Variants in ADGRL2 observed in about 807,000 individuals in gnomAD.
The protein encoded by ADGRL2 is adhesion G protein-coupled receptor L2.
Under a neutral mutation model 157.4 loss-of-function variants are expected in ADGRL2, and 44 were observed. The observed-to-expected ratio is 0.28, with a 90% CI of 0.22 to 0.36. The LOEUF (loss-of-function observed/expected upper bound fraction) is 0.36. Among genes scored for constraint, ADGRL2 ranks in the 10% least tolerant of loss-of-function variants. The pLI, the probability that ADGRL2 is intolerant of heterozygous loss-of-function variation, is 1.00. For missense variants in ADGRL2, 1,510 were observed against 1,768.9 expected, an observed-to-expected ratio of 0.85 and a Z score of 2.63; for synonymous variants, 585 against 624.7, an observed-to-expected ratio of 0.94 and a Z score of 0.95.
At chr1:81,506,009 T>TGAA in intron 2 of ADGRL2, 1 of 180,122 alleles carries the variant, frequency 5.6e-6, no homozygotes, top group South Asian at 1.2e-4. Context: ...TTCCTGTTCT[T>TGAA]GAAGAGACAG....
intron 2 of ADGRL2, among the ~76,000 whole-genome samples, chr1:81,527,004 T>G (rs969120451): frequency 1.4e-4 from 22 of 152,328 alleles, no homozygotes; most frequent in African/African-American, 5.1e-4. Context: ...TCTGTTTGGG[T>G]GGTATTAAAA....
intron 2 of ADGRL2, among the ~76,000 whole-genome samples, chr1:81,496,376 AAGG>A (rs1470618571): frequency 6.6e-6 from 1 of 152,132 alleles, no homozygotes; most frequent in Non-Finnish European, 1.5e-5. Context: ...TTTAGCAAAA[AAGG>A]GGGAGAAATC....
At chr1:81,514,845 G>A (rs2079145311) in intron 2 of ADGRL2, 1 of 152,198 alleles carries the variant, frequency 6.6e-6, no homozygotes, top group African/African-American at 2.4e-5. Flanking sequence ...CATCTCTGCA[G>A]TGTTGTGTAC....
intron 1 of ADGRL2, among the ~76,000 whole-genome samples, chr1:81,327,069 A>G (rs1034649980): frequency 1.3e-5 from 2 of 152,162 alleles, no homozygotes; most frequent in Non-Finnish European, 2.9e-5. Flanking sequence ...TGTTTTTTAA[A>G]GAGGTTCAGG....
intron 2 of ADGRL2, among the ~76,000 whole-genome samples, chr1:81,549,057 C>T (rs1410581420): frequency 6.6e-6 from 1 of 152,218 alleles, no homozygotes; most frequent in African/African-American, 2.4e-5. Context: ...AGCCCTCTCC[C>T]ATGTTTGCTG....
intron 1 of ADGRL2, among the ~76,000 whole-genome samples, chr1:81,428,126 A>G (rs1204769490): frequency 6.6e-6 from 1 of 152,174 alleles, no homozygotes; most frequent in African/African-American, 2.4e-5. Flanking sequence ...AGTTAACTGT[A>G]AAGAAACATT....
intron 3 of ADGRL2, among the ~76,000 whole-genome samples, chr1:81,683,405 A>C (rs2083160491): frequency 6.6e-6 from 1 of 152,150 alleles, no homozygotes; most frequent in African/African-American, 2.4e-5. Context: ...ACCGAGCAGT[A>C]TACACTGCAC....
intron 2 of ADGRL2, among the ~76,000 whole-genome samples, chr1:81,551,579 A>G (rs2080147656): frequency 6.6e-6 from 1 of 152,156 alleles, no homozygotes; most frequent in African/African-American, 2.4e-5. Flanking sequence ...TTTTAGTAAA[A>G]CTAGTTTGTT....
intron 1 of ADGRL2, among the ~76,000 whole-genome samples, chr1:81,713,509 G>A (rs1007713302): frequency 2.0e-5 from 3 of 152,188 alleles, no homozygotes; most frequent in Non-Finnish European, 4.4e-5. Context: ...TGATGAGAAT[G>A]AGTGTGATGA....
At chr1:81,624,071 T>C (rs2081857051) in intron 3 of ADGRL2, among the ~76,000 whole-genome samples, 1 of 151,858 alleles carries the variant, frequency 6.6e-6, no homozygotes, top group Non-Finnish European at 1.5e-5. Context: ...GCGAAGACCA[T>C]CCAAAACAAC....
intron 3 of ADGRL2, among the ~76,000 whole-genome samples, chr1:81,650,296 G>C (rs184558580): frequency 6.6e-6 from 1 of 152,104 alleles, no homozygotes; most frequent in Admixed American, 6.5e-5. Flanking sequence ...TGTGGGCCGG[G>C]CCCCCTGGCT....
chr1:81,944,717 T>C (rs1649209691), intron 6 of ADGRL2, among the ~76,000 whole-genome samples: 1 of 152,036 alleles, frequency 6.6e-6, no homozygotes, highest in Non-Finnish European at 1.5e-5. Flanking sequence ...TAGAAAGTTC[T>C]TTGGAGTGAT....
chr1:81,735,480 G>T (rs2084863522), intron 1 of ADGRL2: 1 of 151,908 alleles, frequency 6.6e-6, no homozygotes, highest in African/African-American at 2.4e-5. Context: ...AATCAATGAA[G>T]AAACTGAGGC....
Position 81,970,297 on chromosome 1 carries a change from G to T in ADGRL2, c.2734-17G>T. The T allele has an allele frequency of 6.3e-7, 1 of 1,581,666 alleles. No individual in the cohort carries two copies. The highest frequency in any genetic ancestry group is 8.7e-7 in the Non-Finnish European group (1 of 1,152,396). On this transcript the variant is annotated splice_polypyrimidine_tract_variant and intron_variant, in intron 15 of 23. Coordinates refer to ENST00000686636, the MANE Select transcript of ADGRL2 (RefSeq NM_001366006.2). ...TCATGAGTTTTCTTTTGTGTTTTTT[G>T]TTCTTTTCCCCCGTAGATTGCATGC...
At chr1:81,934,792 G>A (rs1214846192) in intron 3 of ADGRL2, among the ~76,000 whole-genome samples, 1 of 151,484 alleles carries the variant, frequency 6.6e-6, no homozygotes, top group Non-Finnish European at 1.5e-5. Flanking sequence ...GGGAGTATCT[G>A]AAAGGGATAT....
intron 3 of ADGRL2, among the ~76,000 whole-genome samples, chr1:81,922,586 G>T (rs1042522700): frequency 6.6e-6 from 1 of 152,074 alleles, no homozygotes; most frequent in East Asian, 1.9e-4. Flanking sequence ...ATTTTTATCT[G>T]TATAGATATT....
At chr1:81,417,693 T>C (rs2077055810) in intron 1 of ADGRL2, among the ~76,000 whole-genome samples, 1 of 152,206 alleles carries the variant, frequency 6.6e-6, no homozygotes, top group Admixed American at 6.5e-5. Flanking sequence ...GCTTGTTATT[T>C]CATAATTTCA....
At chr1:81,556,488 C>T (rs185237950) in intron 2 of ADGRL2, among the ~76,000 whole-genome samples, 3,023 of 151,560 alleles carry the variant, frequency 0.02, 54 homozygotes, top group Non-Finnish European at 0.029. Context: ...TATAATTTTT[C>T]CTTCACATCA....
At chr1:81,473,448 C>T (rs572112639) in intron 2 of ADGRL2, among the ~76,000 whole-genome samples, 1 of 152,260 alleles carries the variant, frequency 6.6e-6, no homozygotes, top group African/African-American at 2.4e-5. Context: ...CTGATTAATA[C>T]TTGTTGCATG....
Sources: gnomAD v4.1 joint callset for allele counts (sites outside exome capture counted in the v4.1 genomes callset) on GRCh38, gnomAD v4.1.1 for gene constraint, MANE v1.5 for transcripts, NCBI Gene and HGNC (gene_info 2026-07-23, HGNC 2026-07-21) for gene names.